The following SYN2 variants were observed in gnomAD, a reference collection of about 807,000 sequenced individuals.
SYN2 encodes the protein synapsin II.
In SYN2, 19 loss-of-function variants were observed where a neutral mutation model predicts 50.9. The ratio of observed to expected loss-of-function variants is 0.37; its 90% CI spans 0.26 to 0.55. SYN2 has a LOEUF of 0.55. Among genes scored for constraint, SYN2 ranks in the 20% least tolerant of loss-of-function variants. The probability of loss-of-function intolerance (pLI) is 0.81; values close to 1 mark genes in which losing one functional copy is unlikely to be tolerated. For synonymous variants in SYN2, 255 were observed against 224.9 expected (o/e 1.13, Z -1.20); for missense variants, 587 against 576.4 (o/e 1.02, Z -0.19).
chr3:12,079,093 G>T (rs1217590365), intron 1 of SYN2, among the ~76,000 whole-genome samples: 1 of 151,972 alleles, frequency 6.6e-6, no homozygotes, highest in African/African-American at 2.4e-5. Context: ...TCATACTTTG[G>T]CTCTCTGCTA....
intron 5 of SYN2, chr3:12,157,319 C>T (rs1697486779): frequency 3.1e-5 from 46 of 1,505,384 alleles, no homozygotes; most frequent in Non-Finnish European, 4.0e-5. Flanking sequence ...CCAGCCCTCC[C>T]AGAACACAGA....
At chr3:12,022,674 C>T (rs970905188) in intron 1 of SYN2, among the ~76,000 whole-genome samples, 8 of 151,988 alleles carry the variant, frequency 5.3e-5, no homozygotes, top group Non-Finnish European at 1.2e-4. Flanking sequence ...TCCCAAAATG[C>T]TGGGATTACA....
chr3:12,057,067 G>A (rs148041485), intron 1 of SYN2, among the ~76,000 whole-genome samples: 6 of 152,182 alleles, frequency 3.9e-5, no homozygotes, highest in South Asian at 2.1e-4. Flanking sequence ...TGAGGCAAGC[G>A]GATCACTTGA....
At chr3:12,091,563 A>G (rs1695829108) in intron 1 of SYN2, among the ~76,000 whole-genome samples, 1 of 152,190 alleles carries the variant, frequency 6.6e-6, no homozygotes, top group African/African-American at 2.4e-5. Context: ...ATCACATCCA[A>G]TATTAGCAGA....
At chr3:12,028,322 GC>G (rs1694309493) in intron 1 of SYN2, among the ~76,000 whole-genome samples, 1 of 151,200 alleles carries the variant, frequency 6.6e-6, no homozygotes, top group Admixed American at 6.6e-5. Flanking sequence ...TGTGAATAAT[GC>G]CGCAATAAAC....
intron 1 of SYN2, among the ~76,000 whole-genome samples, chr3:12,090,019 G>C (rs1043601148): frequency 6.6e-6 from 1 of 152,166 alleles, no homozygotes; most frequent in Non-Finnish European, 1.5e-5. Flanking sequence ...AAGCACTCTA[G>C]GCTGTGATTA....
chr3:12,036,028 A>G (rs1296403779), intron 1 of SYN2, among the ~76,000 whole-genome samples: 1 of 152,240 alleles, frequency 6.6e-6, no homozygotes, highest in Non-Finnish European at 1.5e-5. Flanking sequence ...CTTGTTTATC[A>G]GATGGCTCTT....
chr3:12,183,915 T>C lies in SYN2; in HGVS notation c.1369+543T>C, dbSNP rs918092165. On this transcript the variant is annotated intron_variant, in intron 11 of 12. Coordinates refer to ENST00000621198, the MANE Select transcript of SYN2 (RefSeq NM_133625.6). ...CCACCAGTGTGCTTGGGATCTTCAATGAACTGTGCTTTTCGCTTTCTTTCT... is the reference window on the plus strand; with the variant it reads ...CCACCAGTGTGCTTGGGATCTTCAACGAACTGTGCTTTTCGCTTTCTTTCT... The C allele has an allele frequency of 3.0e-6, 3 of 998,770 alleles. No homozygotes were observed. The African/African-American group carries it at 5.2e-5, about 17-fold the overall frequency. The allele number at this position is 998,770 out of a possible 1,614,324, so 61.9% of individuals were successfully genotyped here.
At chr3:12,005,090 G>T (rs1351872235) in intron 1 of SYN2, among the ~76,000 whole-genome samples, 162 bp downstream of exon 1, 1 of 152,140 alleles carries the variant, frequency 6.6e-6, no homozygotes, top group African/African-American at 2.4e-5. Flanking sequence ...GCGCGCGTTT[G>T]CGGGGTGAGG....
At chr3:12,077,844 G>T (rs1213109637) in intron 1 of SYN2, among the ~76,000 whole-genome samples, 4 of 152,174 alleles carry the variant, frequency 2.6e-5, no homozygotes, top group African/African-American at 9.7e-5. Context: ...CCAGTAATGG[G>T]ATTGCTGGGT....
intron 1 of SYN2, among the ~76,000 whole-genome samples, chr3:12,092,517 G>A (rs1047667013): frequency 6.6e-6 from 1 of 152,160 alleles, no homozygotes; most frequent in East Asian, 1.9e-4. Context: ...TTTGAAGAGA[G>A]TAAAATTTCT....
chr3:12,084,665 T>A (rs1695653540), intron 1 of SYN2, among the ~76,000 whole-genome samples: 1 of 152,136 alleles, frequency 6.6e-6, no homozygotes, highest in African/African-American at 2.4e-5. Context: ...ATCAATTACA[T>A]CTCTTATATG....
chr3:12,161,953 T>A, intron 6 of SYN2, 59 bp from the exon 7 acceptor site: 1 of 1,598,418 alleles, frequency 6.3e-7, no homozygotes, highest in Admixed American at 1.7e-5. Flanking sequence ...CCTTGTGACT[T>A]CTCAGTGTGT....
chr3:12,077,699 T>C (rs989370519), intron 1 of SYN2, among the ~76,000 whole-genome samples: 8 of 152,240 alleles, frequency 5.3e-5, no homozygotes, highest in Non-Finnish European at 1.2e-4. Context: ...ACGTACCACA[T>C]TTTCTTTATC....
rs747734862 is a variant in SYN2, at chr3:12,141,930, T to G, written c.461T>G (p.Val154Gly). 1.3e-6 allele frequency: 1 copy of G among 780,856 alleles called. No homozygotes were observed. The highest frequency in any genetic ancestry group is 2.4e-6 in the Non-Finnish European group (1 of 417,948). 48.4% of individuals were successfully genotyped at this position (780,856 alleles called of 1,614,324 possible). Residue 154 changes from valine to glycine, a missense_variant, in exon 3 of 13, where the codon GTG (valine) becomes GGG (glycine). Transcript: ENST00000621198. The part of the protein sequence containing the change: ...EQAEFSELNL[V>G]AHADGTYAVD... ...GCAGAATTTTCAGAGCTCAACCTGGTGGCCCATGCAGATGGCACCTATGCT... is the reference window on the plus strand; with the variant it reads ...GCAGAATTTTCAGAGCTCAACCTGGGGGCCCATGCAGATGGCACCTATGCT...
Position 12,161,994 on chromosome 3 carries a change from G to A in SYN2, c.838-18G>A, listed in dbSNP as rs752359369. ...TGTGTGTCTCCCTTTCCCCCTTTCT[G>A]CCCTGCTCTAACATTAGGTCAAAGT... On this transcript the variant is annotated intron_variant, in intron 6 of 12. Transcript: ENST00000621198. 3 of 1,613,554 alleles carry A rather than the reference G, an allele frequency of 1.9e-6. No homozygotes were observed. Among genetic ancestry groups the A allele is most frequent in the Non-Finnish European group, 2.5e-6 (3 of 1,179,784 alleles).
At chr3:12,140,528 C>T (rs4488811) in intron 1 of SYN2, 123 bp from the exon 2 acceptor site, 38,355 of 702,966 alleles carry the variant, frequency 0.055, 1,272 homozygotes, top group Non-Finnish European at 0.065. Flanking sequence ...TGGATCAGAA[C>T]CCAGGTCTCT....
At chr3:12,135,456 T>G (rs1460386643) in intron 1 of SYN2, among the ~76,000 whole-genome samples, 1 of 152,214 alleles carries the variant, frequency 6.6e-6, no homozygotes, top group Non-Finnish European at 1.5e-5. Flanking sequence ...ATTTACTAGG[T>G]GCTGGACTGT....
intron 1 of SYN2, among the ~76,000 whole-genome samples, chr3:12,097,504 G>T (rs1166540376): frequency 1.3e-5 from 2 of 151,966 alleles, no homozygotes; most frequent in Non-Finnish European, 2.9e-5. Flanking sequence ...TACTCGGGAG[G>T]CTGAGGCAGG....
Sources: gnomAD v4.1 joint callset for allele counts (sites outside exome capture counted in the v4.1 genomes callset) on GRCh38, gnomAD v4.1.1 for gene constraint, MANE v1.5 for transcripts, NCBI Gene and HGNC (gene_info 2026-07-23, HGNC 2026-07-21) for gene names.